ZMYND8: variants seen among roughly 807,000 people sequenced by gnomAD.
ZMYND8 encodes the protein zinc finger MYND-type containing 8.
In ZMYND8, 37 loss-of-function variants were observed where a neutral mutation model predicts 140.8. The ratio of observed to expected loss-of-function variants is 0.26; its 90% CI spans 0.20 to 0.35. The LOEUF is 0.35. Ranked by LOEUF, ZMYND8 falls within the 10% of genes least tolerant of loss-of-function variation. The pLI, the probability that ZMYND8 is intolerant of heterozygous loss-of-function variation, is 1.00. For missense variants in ZMYND8, 1,068 were observed against 1,570.0 expected (o/e 0.68, Z 5.40); for synonymous variants, 592 against 597.1 (o/e 0.99, Z 0.12).
chr20:47,213,840 T>C (rs2035653408), intron 21 of ZMYND8, among the ~76,000 whole-genome samples: 2 of 152,140 alleles, frequency 1.3e-5, no homozygotes, highest in East Asian at 1.9e-4. Flanking sequence ...AGTCAAGAAA[T>C]AGAGGTATAG....
chr20:47,339,976 T>A (rs2081707854), intron 2 of ZMYND8, among the ~76,000 whole-genome samples: 1 of 151,742 alleles, frequency 6.6e-6, no homozygotes, highest in Non-Finnish European at 1.5e-5. Flanking sequence ...GGAGTCTCAC[T>A]CTGTCACCCA....
At chr20:47,251,735 G>A (rs1020103215) in intron 12 of ZMYND8, among the ~76,000 whole-genome samples, 3 of 151,972 alleles carry the variant, frequency 2.0e-5, no homozygotes, top group Non-Finnish European at 4.4e-5. Flanking sequence ...GAAAAGGGAG[G>A]AGCGCCTCTG....
intron 12 of ZMYND8, among the ~76,000 whole-genome samples, chr20:47,260,313 G>A (rs932651635): frequency 2.6e-5 from 4 of 152,130 alleles, no homozygotes; most frequent in African/African-American, 9.7e-5. Context: ...CTTCTTCTGA[G>A]ATGTGAAGTC....
rs745736405 is a variant in ZMYND8, at chr20:47,246,096, T to C, written c.2196A>G (p.Glu732=). The change falls in exon 14 of 23, where the codon GAA becomes GAG. Residue 732 remains glutamate (E), a synonymous_variant. Transcript: ENST00000471951. ...HLGLDSDSES[E]LVIDLGEDHS... ...GGTCTTCTCCTAAATCTATGACAAG[T>C]TCGCTCTCTGAATCAGAGTCCAGGC... 6.2e-7 allele frequency: 1 copy of C among 1,614,212 alleles called. No individual in the cohort carries two copies. Among genetic ancestry groups the C allele is most frequent in the South Asian group, 1.1e-5 (1 of 91,082 alleles).
At chr20:47,303,779 G>A (rs1490248244) in intron 3 of ZMYND8, among the ~76,000 whole-genome samples, 2 of 151,804 alleles carry the variant, frequency 1.3e-5, no homozygotes, top group Non-Finnish European at 2.9e-5. Context: ...TCTGATAGTA[G>A]CCGAGGTACT....
rs774218893 is a variant in ZMYND8, at chr20:47,220,296, G to A, written c.3446C>T (p.Thr1149Met). ...GGAGCCTAAGAGAATGGAGGAGGGC[G>A]TCTCTCTGGAGCCAGAAAGGTCAAG... Reference protein sequence around the residue: ...STLDLSGSRETPSSILLGSNQ... With the variant: ...STLDLSGSREMPSSILLGSNQ... The change falls in exon 21 of 23, where the codon ACG becomes ATG. Residue 1149 changes from threonine (T) to methionine (M), a missense_variant. Thr to Met is a moderately conservative substitution (Grantham distance 81, BLOSUM62 -1). Coordinates refer to ENST00000471951, the MANE Select transcript of ZMYND8 (RefSeq NM_001281775.3). 117 of 1,564,518 alleles carry A rather than the reference G, an allele frequency of 7.5e-5. No individual in the cohort carries two copies. The highest frequency in any genetic ancestry group is 4.9e-4 in the Admixed American group (26 of 53,470).
intron 1 of ZMYND8, chr20:47,351,562 T>A (rs2082783039): frequency 1.4e-6 from 1 of 737,020 alleles, no homozygotes; most frequent in African/African-American, 1.9e-5. Context: ...AAATATTTAA[T>A]CCCCAAGGCA....
intron 6 of ZMYND8, among the ~76,000 whole-genome samples, chr20:47,291,326 T>C (rs6512439): frequency 0.038 from 5,792 of 152,322 alleles, 341 homozygotes; most frequent in African/African-American, 0.13. Flanking sequence ...AATTTTAGCA[T>C]GAACTTTTAA....
intron 17 of ZMYND8, among the ~76,000 whole-genome samples, 183 bp downstream of exon 17, chr20:47,229,543 A>G (rs1297187779): frequency 6.6e-6 from 1 of 152,176 alleles, no homozygotes; most frequent in African/African-American, 2.4e-5. Context: ...GCATGTCTCC[A>G]CAGCCCCAGC....
In ZMYND8 at chr20:47,234,459, C is replaced by T. The variant is rs529554387; in HGVS notation, c.2856+1867G>A. ...TCAAGAAGTGAATCTTGCCTGCCAC[C>T]ACCTAAATGACCTTGAGAGTGGATC... On this transcript the variant is annotated intron_variant, in intron 16 of 22. Transcript: ENST00000471951. Among the ~76,000 whole-genome samples, 40 of 152,350 alleles carry T rather than the reference C, an allele frequency of 2.6e-4. 1 individual carries two copies. The highest frequency in any genetic ancestry group is 1.7e-3 in the South Asian group (8 of 4,832).
At chr20:47,281,724 C>A (rs2076618017) in intron 10 of ZMYND8, among the ~76,000 whole-genome samples, 1 of 152,210 alleles carries the variant, frequency 6.6e-6, no homozygotes, top group Admixed American at 6.5e-5. Flanking sequence ...TAGGAAACTA[C>A]TTCTATTCTT....
At chr20:47,329,180 C>T (rs536561216) in intron 2 of ZMYND8, among the ~76,000 whole-genome samples, 19 of 152,278 alleles carry the variant, frequency 1.2e-4, no homozygotes, top group African/African-American at 3.9e-4. Flanking sequence ...TGTCCCCTGG[C>T]GACATAGCTT....
At chr20:47,285,075 TACACCTCATGAGATTAAAAAAAAAATG>T (rs1412629421) in intron 8 of ZMYND8, among the ~76,000 whole-genome samples, 1 of 152,154 alleles carries the variant, frequency 6.6e-6, no homozygotes, top group Non-Finnish European at 1.5e-5. Flanking sequence ...TTGTATTCCT[TACACCTCATGAGATTAAAAAAAAAATG>T]AGGCCCCAAA....
rs778335407 is a variant in ZMYND8 at position 47,282,083 on chromosome 20, GC to G, written c.998+18del. ...GTTCAGTGAAAGCTACATGTTCCAA[GC>G]CTGTTATTAACTCCCACCTGTCATG... On this transcript the variant is annotated intron_variant, in intron 10 of 22. Transcript: ENST00000471951. 1 of 1,600,294 alleles carries G rather than the reference GC, an allele frequency of 6.2e-7. No individual in the cohort carries two copies. Among genetic ancestry groups the G allele is most frequent in the South Asian group, 1.1e-5 (1 of 89,976 alleles).
rs1197236038 is a variant in ZMYND8 at position 47,234,233 on chromosome 20, G to A, written c.2856+2093C>T. On this transcript the variant is annotated intron_variant, in intron 16 of 22. Transcript: ENST00000471951. Reference sequence around the variant, plus strand: ...CAGGCTGATTTTTTGTATTTTGGTAGAGATGGGGTTTCACGATGTTGCCCA... The same window carrying A: ...CAGGCTGATTTTTTGTATTTTGGTAAAGATGGGGTTTCACGATGTTGCCCA... Among the ~76,000 whole-genome samples the A allele has an allele frequency of 2.6e-5, 4 of 152,308 alleles. No individual in the cohort carries two copies. The East Asian group carries it at 5.8e-4, about 22-fold the overall frequency.
intron 1 of ZMYND8, chr20:47,354,161 C>T (rs1196046709): frequency 6.6e-6 from 1 of 152,008 alleles, no homozygotes; most frequent in Non-Finnish European, 1.5e-5. Context: ...GTCACAGTAC[C>T]AGAGGAAAAG....
chr20:47,330,860 G>A (rs1388868509), intron 2 of ZMYND8, among the ~76,000 whole-genome samples: 2 of 152,174 alleles, frequency 1.3e-5, no homozygotes, highest in Admixed American at 1.3e-4. Context: ...TTTATTATAC[G>A]CTCACCAGCA....
chr20:47,278,112 C>T (rs1433651609), intron 10 of ZMYND8, among the ~76,000 whole-genome samples: 4 of 152,144 alleles, frequency 2.6e-5, no homozygotes, highest in African/African-American at 9.7e-5. Context: ...AGTGGAAGTA[C>T]AGGCACGCGC....
At chr20:47,345,150 T>C (rs1259255893) in intron 2 of ZMYND8, among the ~76,000 whole-genome samples, 1 of 151,996 alleles carries the variant, frequency 6.6e-6, no homozygotes. Flanking sequence ...ACGTTGTCTT[T>C]TATATATATA....
Sources: allele counts gnomAD v4.1 joint callset (sites outside exome capture counted in the v4.1 genomes callset), GRCh38; gene constraint gnomAD v4.1.1; transcripts MANE v1.5; gene names NCBI Gene and HGNC (gene_info 2026-07-23, HGNC 2026-07-21).